The following GALNT13 variants were observed in gnomAD, a reference collection of about 807,000 sequenced individuals.
GALNT13 encodes the protein polypeptide N-acetylgalactosaminyltransferase 13.
A neutral mutation model predicts 64.2 loss-of-function variants in GALNT13; 28 were observed. That is an observed-to-expected ratio of 0.44 (90% confidence interval 0.32 to 0.60). The LOEUF (loss-of-function observed/expected upper bound fraction) is 0.60, where lower values mean the gene tolerates loss of function less well. GALNT13 is among the 20% of genes least tolerant of loss of function. The pLI, the probability that GALNT13 is intolerant of heterozygous loss-of-function variation, is 0.05. For missense variants in GALNT13, 577 were observed against 669.8 expected, an observed-to-expected ratio of 0.86 and a Z score of 1.53; for synonymous variants, 214 against 224.6, an observed-to-expected ratio of 0.95 and a Z score of 0.42.
rs10578569 is a variant in GALNT13, at chr2:154,187,369, A to AACACACACAC, written c.311+46900_311+46909dup. 5.0e-4 allele frequency among the ~76,000 whole-genome samples: 70 copies of AACACACACAC among 140,350 alleles called. 1 individual carries two copies. The highest frequency in any genetic ancestry group is 1.3e-3 in the African/African-American group (50 of 37,818). 92.1% of individuals were successfully genotyped at this position (140,350 alleles called of 152,430 possible). A position where few individuals can be genotyped will look rare whatever the true frequency, so the allele number is the denominator to read the frequency against. ...AATGAGTAAGAAAGAGATAGGAGAA[A>AACACACACAC]ACACACACACACACACACACACACA... On this transcript the variant is annotated intron_variant, in intron 4 of 12. Coordinates refer to ENST00000392825, the MANE Select transcript of GALNT13 (RefSeq NM_052917.4).
intron 11 of GALNT13, among the ~76,000 whole-genome samples, chr2:154,429,736 A>G (rs1700629028): frequency 6.6e-6 from 1 of 152,222 alleles, no homozygotes; most frequent in South Asian, 2.1e-4. Flanking sequence ...AGAAAAGCGA[A>G]GTCATTGCCT....
chr2:153,596,613 A>T, the GALNT13 span, among the ~76,000 whole-genome samples: 1 of 152,110 alleles, frequency 6.6e-6, no homozygotes, highest in Non-Finnish European at 1.5e-5. Flanking sequence ...CTTTAACCTC[A>T]ATTTAATCTC....
chr2:154,353,279 C>G (rs2105261601), intron 9 of GALNT13, among the ~76,000 whole-genome samples: 1 of 152,196 alleles, frequency 6.6e-6, no homozygotes, highest in Non-Finnish European at 1.5e-5. Context: ...CTTGTTACAA[C>G]TTTAAAAAAA....
the GALNT13 span, among the ~76,000 whole-genome samples, chr2:153,835,450 A>T: frequency 6.6e-6 from 1 of 152,054 alleles, no homozygotes; most frequent in African/African-American, 2.4e-5. Context: ...TGATAGTTTG[A>T]GTAATAAAAA....
At chr2:154,360,062 G>A (rs1408337729) in intron 9 of GALNT13, among the ~76,000 whole-genome samples, 1 of 152,102 alleles carries the variant, frequency 6.6e-6, no homozygotes, top group African/African-American at 2.4e-5. Context: ...CTGGAAAAAT[G>A]TTTGACAATA....
chr2:153,309,364 A>G, the GALNT13 span, among the ~76,000 whole-genome samples: 1 of 152,156 alleles, frequency 6.6e-6, no homozygotes, highest in South Asian at 2.1e-4. Flanking sequence ...AACATGTACA[A>G]GTCCTGTCCC....
the GALNT13 span, among the ~76,000 whole-genome samples, chr2:153,483,410 C>CTTTTTTT: frequency 1.7e-4 from 12 of 71,778 alleles, no homozygotes; most frequent in East Asian, 1.7e-3. Flanking sequence ...GAATAAAATT[C>CTTTTTTT]TTTTTTTTTT....
chr2:153,660,110 G>T, the GALNT13 span, among the ~76,000 whole-genome samples: 2 of 152,116 alleles, frequency 1.3e-5, no homozygotes, highest in Non-Finnish European at 2.9e-5. Context: ...CAGTTGGAAA[G>T]AAATGCTTTG....
the GALNT13 span, among the ~76,000 whole-genome samples, chr2:153,166,488 T>A: frequency 1.1e-3 from 175 of 152,280 alleles, 1 homozygote; most frequent in Non-Finnish European, 2.2e-3. Context: ...AAATCCAGAT[T>A]GGCAAGTAGA....
chr2:153,445,227 A>G, the GALNT13 span, among the ~76,000 whole-genome samples: 1 of 152,314 alleles, frequency 6.6e-6, no homozygotes. Flanking sequence ...TTTTTCAGCT[A>G]TAAACAAGTA....
intron 9 of GALNT13, among the ~76,000 whole-genome samples, chr2:154,342,891 T>C (rs1174160750): frequency 6.6e-6 from 1 of 151,892 alleles, no homozygotes; most frequent in Non-Finnish European, 1.5e-5. Context: ...ATTTAAAGCA[T>C]TTTTTTCTTA....
chr2:154,216,205 C>T (rs1416714071), intron 4 of GALNT13, among the ~76,000 whole-genome samples: 1 of 151,802 alleles, frequency 6.6e-6, no homozygotes, highest in African/African-American at 2.4e-5. Flanking sequence ...TTGAAAACTC[C>T]CCAGGAAGAT....
At chr2:153,219,378 C>A in the GALNT13 span, among the ~76,000 whole-genome samples, 86 of 152,314 alleles carry the variant, frequency 5.6e-4, no homozygotes, top group Non-Finnish European at 1.0e-3. Flanking sequence ...CTATTTTTCT[C>A]ACTTCATGGC....
At chr2:153,118,861 A>T in the GALNT13 span, among the ~76,000 whole-genome samples, 2 of 152,144 alleles carry the variant, frequency 1.3e-5, no homozygotes, top group Non-Finnish European at 2.9e-5. Flanking sequence ...TGAGGTTGGT[A>T]TGGTTTGACT....
At chr2:153,070,694 T>C in the GALNT13 span, among the ~76,000 whole-genome samples, 4 of 152,210 alleles carry the variant, frequency 2.6e-5, no homozygotes, top group Admixed American at 2.0e-4. Flanking sequence ...GCAGTACATA[T>C]GGAGACACCG....
At chr2:154,150,246 A>G (rs1477684085) in intron 4 of GALNT13, among the ~76,000 whole-genome samples, 3 of 152,132 alleles carry the variant, frequency 2.0e-5, no homozygotes, top group Non-Finnish European at 4.4e-5. Flanking sequence ...ATTTGTGTAT[A>G]TTGAACCAGC....
chr2:154,346,398 C>G (rs1696068313), intron 9 of GALNT13, among the ~76,000 whole-genome samples: 1 of 151,972 alleles, frequency 6.6e-6, no homozygotes, highest in Non-Finnish European at 1.5e-5. Flanking sequence ...GTGTCCCTAC[C>G]CAAGTCTCAT....
the GALNT13 span, among the ~76,000 whole-genome samples, chr2:153,330,714 C>T: frequency 6.6e-6 from 1 of 151,898 alleles, no homozygotes; most frequent in Non-Finnish European, 1.5e-5. Flanking sequence ...AGAATCATAT[C>T]ATTCACAGCG....
At chr2:154,132,812 T>C (rs1682698915) in intron 3 of GALNT13, among the ~76,000 whole-genome samples, 1 of 151,780 alleles carries the variant, frequency 6.6e-6, no homozygotes, top group African/African-American at 2.4e-5. Context: ...GAAGAATTGC[T>C]TGAACCAGGG....
Sources: allele counts gnomAD v4.1 joint callset (sites outside exome capture counted in the v4.1 genomes callset), GRCh38; gene constraint gnomAD v4.1.1; transcripts MANE v1.5; gene names NCBI Gene and HGNC (gene_info 2026-07-23, HGNC 2026-07-21).